The following BPIFB1 variants were observed in gnomAD, a reference collection of about 807,000 sequenced individuals.
BPIFB1 encodes BPI fold containing family B member 1.
A neutral mutation model predicts 55.1 loss-of-function variants in BPIFB1; 34 were observed. The observed-to-expected ratio is 0.62, with a 90% CI of 0.47 to 0.82. The LOEUF is 0.82. Ranked by LOEUF, BPIFB1 falls within the 40% of genes least tolerant of loss-of-function variation. The pLI, the probability that BPIFB1 is intolerant of heterozygous loss-of-function variation, is 0.00. For missense variants in BPIFB1, 532 were observed against 593.1 expected, an observed-to-expected ratio of 0.90 and a Z score of 1.07; for synonymous variants, 236 against 245.3, an observed-to-expected ratio of 0.96 and a Z score of 0.35.
At chr20:33,308,747 GCACACATACACACCA>G (rs1469572070) in intron 15 of BPIFB1, among the ~76,000 whole-genome samples, 2 of 144,562 alleles carry the variant, frequency 1.4e-5, no homozygotes, top group Non-Finnish European at 3.0e-5. Context: ...CATACATATT[GCACACATACACACCA>G]CACACATACA....
chr20:33,294,866 T>G (rs1409710164), intron 6 of BPIFB1, among the ~76,000 whole-genome samples: 1 of 152,214 alleles, frequency 6.6e-6, no homozygotes. Flanking sequence ...TTATTTGGCA[T>G]GAAGGGAAAA....
intron 1 of BPIFB1, among the ~76,000 whole-genome samples, chr20:33,284,149 C>T (rs1452357811): frequency 6.6e-6 from 1 of 152,166 alleles, no homozygotes; most frequent in Non-Finnish European, 1.5e-5. Context: ...ATTTAATCTT[C>T]CCAAAAAGCC....
chr20:33,302,219 A>G (rs1980876461), intron 9 of BPIFB1, 140 bp from the exon 10 acceptor site: 6 of 817,788 alleles, frequency 7.3e-6, no homozygotes, highest in South Asian at 1.5e-5. Flanking sequence ...TTTTCCACCA[A>G]TGACAGACAC....
At position 33,303,046 on chromosome 20, in the gene BPIFB1, C is replaced by G. The variant is rs1246841144; in HGVS notation, c.1112C>G (p.Ala371Gly). The G allele has an allele frequency of 6.2e-7, 1 of 1,613,862 alleles. No individual in the cohort carries two copies. The highest frequency in any genetic ancestry group is 8.5e-7 in the Non-Finnish European group (1 of 1,180,022). ...CTGGAAGTGTTTCCCTCCAGTGAAG[C>G]CCTCCGCCCTTTGTTCACCCTGGGC... is the stretch of plus-strand genomic sequence containing the variant. ...IVLEVFPSSE[A>G]LRPLFTLGIE... The change falls in exon 11 of 16, where the codon GCC becomes GGC. Residue 371 changes from alanine to glycine, a missense_variant. Coordinates refer to ENST00000253354, the MANE Select transcript of BPIFB1 (RefSeq NM_033197.3).
intron 1 of BPIFB1, among the ~76,000 whole-genome samples, chr20:33,285,079 G>C (rs1471632455): frequency 6.6e-6 from 1 of 152,154 alleles, no homozygotes; most frequent in Non-Finnish European, 1.5e-5. Context: ...TGTGGTCCAG[G>C]TTCCCTGTCT....
rs577028447 is a variant in BPIFB1, at chr20:33,304,116, G to A, written c.1208+91G>A. On this transcript the variant is annotated intron_variant, in intron 12 of 15. Coordinates refer to ENST00000253354, the MANE Select transcript of BPIFB1 (RefSeq NM_033197.3). ...TTCTTTAAACACCGACTTTGTGGCT[G>A]TCAGGTGAAGGCGGCTCCAGGGTAG... The A allele has an allele frequency of 4.9e-5, 59 of 1,202,722 alleles. No individual in the cohort carries two copies. In the Admixed American group the frequency reaches 5.4e-4, roughly 11 times the overall value. The allele number at this position is 1,202,722 out of a possible 1,614,324, so 74.5% of individuals were successfully genotyped here. A position where few individuals can be genotyped will look rare whatever the true frequency, so the allele number is the denominator to read the frequency against.
intron 13 of BPIFB1, among the ~76,000 whole-genome samples, chr20:33,305,206 G>A (rs1055835784): frequency 1.3e-5 from 2 of 151,858 alleles, no homozygotes; most frequent in Non-Finnish European, 1.5e-5. Flanking sequence ...ACGTAGACGC[G>A]CCTCAGTGCC....
intron 6 of BPIFB1, among the ~76,000 whole-genome samples, chr20:33,295,662 G>GAA (rs1980617971): frequency 8.1e-5 from 11 of 136,120 alleles, no homozygotes; most frequent in African/African-American, 3.7e-4. Flanking sequence ...GAAAGAAAGA[G>GAA]AGAAAGAAAG....
chr20:33,285,729 A>AAG lies in BPIFB1; in HGVS notation c.-41-303_-41-302insGA, dbSNP rs1555797071. ...CGAGACTCTGTCTCAAAAAAAAAAAAAAAGAAAGAAAATAGCTAATACATT... is the reference window on the plus strand; with the variant it reads ...CGAGACTCTGTCTCAAAAAAAAAAAAAGAAAGAAAGAAAATAGCTAATACATT... On this transcript the variant is annotated intron_variant, in intron 1 of 15. Transcript: ENST00000253354. Among the ~76,000 whole-genome samples, 614 of 151,334 alleles carry AAG rather than the reference A, an allele frequency of 4.1e-3. 1 individual carries two copies. Among genetic ancestry groups the AAG allele is most frequent in the Non-Finnish European group, 7.4e-3 (501 of 67,924 alleles).
chr20:33,287,844 T>C (rs1170208999), intron 2 of BPIFB1, among the ~76,000 whole-genome samples: 3 of 152,216 alleles, frequency 2.0e-5, no homozygotes, highest in Admixed American at 6.5e-5. Context: ...AGTGACACCA[T>C]AGGAACCTGG....
intron 15 of BPIFB1, among the ~76,000 whole-genome samples, chr20:33,308,190 G>A (rs1386717649): frequency 1.3e-5 from 2 of 152,164 alleles, no homozygotes; most frequent in African/African-American, 4.8e-5. Context: ...CACGAGAACA[G>A]CACCAAGAGG....
At chr20:33,292,355 A>G (rs562147504) in intron 6 of BPIFB1, among the ~76,000 whole-genome samples, 1 of 152,242 alleles carries the variant, frequency 6.6e-6, no homozygotes, top group African/African-American at 2.4e-5. Flanking sequence ...GATGTCACTG[A>G]ACAGAGTTGG....
intron 6 of BPIFB1, among the ~76,000 whole-genome samples, chr20:33,293,087 AG>A (rs1485095472): frequency 6.6e-6 from 1 of 152,138 alleles, no homozygotes; most frequent in Non-Finnish European, 1.5e-5. Context: ...AGGCATGGCT[AG>A]TTTTTATATT....
intron 11 of BPIFB1, 49 bp from the exon 12 acceptor site, chr20:33,303,909 C>T: frequency 6.3e-7 from 1 of 1,593,856 alleles, no homozygotes; most frequent in Non-Finnish European, 8.6e-7. Flanking sequence ...CCTAATTCCA[C>T]ACTCGGATCC....
At chr20:33,304,986 G>T in intron 13 of BPIFB1, 95 bp downstream of exon 13, 2 of 1,428,608 alleles carry the variant, frequency 1.4e-6, no homozygotes, top group Non-Finnish European at 2.0e-6. Context: ...TTCAAACAAG[G>T]TCCCCACAGA....
rs1016347367 is a variant in BPIFB1, at chr20:33,294,276, T to G, written c.597+2288T>G. Among the ~76,000 whole-genome samples the G allele has an allele frequency of 1.1e-4, 17 of 152,280 alleles. No individual in the cohort carries two copies. In the South Asian group the frequency reaches 1.7e-3, roughly 15 times the overall value. On this transcript the variant is annotated intron_variant, in intron 6 of 15. Transcript: ENST00000253354. The stretch of plus-strand genomic sequence containing the variant: ...AATTCAAGCTACCTTTCTCCAGTAC[T>G]TTTTTGGAAGAGAATGGGGAGAGAC...
intron 14 of BPIFB1, 104 bp from the exon 15 acceptor site, chr20:33,306,807 C>T (rs1386094393): frequency 4.4e-6 from 4 of 918,254 alleles, no homozygotes; most frequent in African/African-American, 1.6e-5. Flanking sequence ...GCTGTCTGAT[C>T]AGGCCTGCCA....
chr20:33,297,233 T>C (rs575948276), intron 6 of BPIFB1, among the ~76,000 whole-genome samples: 1 of 152,332 alleles, frequency 6.6e-6, no homozygotes, highest in African/African-American at 2.4e-5. Flanking sequence ...CATTTCACTC[T>C]CATGGAAAAC....
intron 6 of BPIFB1, among the ~76,000 whole-genome samples, chr20:33,297,305 C>T (rs541210312): frequency 3.3e-5 from 5 of 152,244 alleles, no homozygotes; most frequent in African/African-American, 1.2e-4. Flanking sequence ...GCCAAGCACA[C>T]CCTGGGCACA....
Sources: gnomAD v4.1 joint callset for allele counts (sites outside exome capture counted in the v4.1 genomes callset) on GRCh38, gnomAD v4.1.1 for gene constraint, MANE v1.5 for transcripts, NCBI Gene and HGNC (gene_info 2026-07-23, HGNC 2026-07-21) for gene names.